The following RXRA variants were observed in gnomAD, a reference collection of about 807,000 sequenced individuals.
The protein encoded by RXRA is retinoic acid receptor RXR-alpha.
RXRA carries 5 observed loss-of-function variants against 44.5 expected under a neutral mutation model. The ratio of observed to expected loss-of-function variants is 0.11; its 90% CI spans 0.06 to 0.24. RXRA has a LOEUF of 0.24. Among genes scored for constraint, RXRA ranks in the 10% least tolerant of loss-of-function variants. The probability of loss-of-function intolerance (pLI) is 1.00; values close to 1 mark genes in which losing one functional copy is unlikely to be tolerated. For missense variants in RXRA, 412 were observed against 646.5 expected (o/e 0.64, Z 3.93); for synonymous variants, 291 against 271.4 (o/e 1.07, Z -0.71).
intron 1 of RXRA, among the ~76,000 whole-genome samples, chr9:134,393,872 G>T (rs1027071275): frequency 1.3e-5 from 2 of 152,130 alleles, no homozygotes; most frequent in African/African-American, 4.8e-5. Flanking sequence ...TAACCCCAGC[G>T]CCCCTGGGCT....
At chr9:134,363,016 G>A (rs796247291) in intron 1 of RXRA, among the ~76,000 whole-genome samples, 20 of 152,326 alleles carry the variant, frequency 1.3e-4, no homozygotes, top group South Asian at 6.2e-4. Flanking sequence ...GAGTGTGGAC[G>A]GTTGCAAAAC....
chr9:134,421,856 G>C (rs777108402), intron 6 of RXRA, 51 bp downstream of exon 6: 1 of 1,602,504 alleles, frequency 6.2e-7, no homozygotes, highest in Non-Finnish European at 8.5e-7. Flanking sequence ...GATGGGACAC[G>C]TACCAGGACA....
chr9:134,436,757 A>G lies in RXRA; in HGVS notation c.*143A>G. ...GGCACAGCCTGTCACTGCTCTGCCT[A>G]AGAGATGTGTTGTCACCCTCCTTAT... On this transcript the variant is annotated 3_prime_UTR_variant, in exon 10 of 10. Transcript: ENST00000481739. The G allele has an allele frequency of 1.2e-6, 1 of 863,294 alleles. No homozygotes were observed. Among genetic ancestry groups the G allele is most frequent in the Non-Finnish European group, 1.8e-6 (1 of 563,982 alleles). 53.5% of individuals were successfully genotyped at this position (863,294 alleles called of 1,614,324 possible). A position where few individuals can be genotyped will look rare whatever the true frequency, so the allele number is the denominator to read the frequency against.
At chr9:134,374,356 C>T (rs775477880) in intron 1 of RXRA, among the ~76,000 whole-genome samples, 1 of 152,226 alleles carries the variant, frequency 6.6e-6, no homozygotes, top group Non-Finnish European at 1.5e-5. Flanking sequence ...CTGCCACTTC[C>T]GCAGTGTGGG....
At chr9:134,408,429 G>A (rs200348558) in intron 3 of RXRA, 130 bp downstream of exon 3, 2 of 985,854 alleles carry the variant, frequency 2.0e-6, no homozygotes, top group South Asian at 1.8e-5. Context: ...GGAGGCAGGT[G>A]CCTGGGCCAT....
chr9:134,339,174 A>C (rs548157987), intron 1 of RXRA, among the ~76,000 whole-genome samples: 1 of 152,170 alleles, frequency 6.6e-6, no homozygotes, highest in African/African-American at 2.4e-5. Flanking sequence ...GGACCCTCTC[A>C]TGCCCTCTGG....
chr9:134,424,005 C>T (rs1831391884), intron 6 of RXRA: 2 of 985,468 alleles, frequency 2.0e-6, no homozygotes, highest in Non-Finnish European at 2.4e-6. Flanking sequence ...CTGTGTCCGT[C>T]GCCATGTTTG....
Position 134,417,033 on chromosome 9 carries a change from C to G in RXRA, c.611-125C>G. The stretch of plus-strand genomic sequence containing the variant: ...GAGATGGGGTCTCCATCACCCAGTG[C>G]TGGTGGGGATGCTGGTGTTGTGGGT... On this transcript the variant is annotated intron_variant, in intron 4 of 9. Transcript: ENST00000481739. This position sits in a 1 kb window ranked among gnomAD's most constrained non-coding sequence, Gnocchi z 6.1. The G allele has an allele frequency of 1.0e-6, 1 of 1,001,412 alleles. No homozygotes were observed. Among genetic ancestry groups the G allele is most frequent in the Non-Finnish European group, 1.5e-6 (1 of 682,434 alleles). The allele number at this position is 1,001,412 out of a possible 1,614,324, so 62.0% of individuals were successfully genotyped here.
In RXRA at chr9:134,426,155, C is replaced by CT; in HGVS notation, c.911-2950dup. The CT allele has an allele frequency of 2.0e-6, 2 of 985,408 alleles. No individual in the cohort carries two copies. The highest frequency in any genetic ancestry group is 2.4e-6 in the Non-Finnish European group (2 of 829,924). 61.0% of individuals were successfully genotyped at this position (985,408 alleles called of 1,614,324 possible). A position where few individuals can be genotyped will look rare whatever the true frequency, so the allele number is the denominator to read the frequency against. On this transcript the variant is annotated intron_variant, in intron 6 of 9. Coordinates refer to ENST00000481739, the MANE Select transcript of RXRA (RefSeq NM_002957.6). This position sits in a 1 kb window ranked among gnomAD's most constrained non-coding sequence, Gnocchi z 4.6. ...CAAGGGAGCAGCCCCAGGCAAGACT[C>CT]TTTGTCCTGCGCTTGGAGCCTGGAG...
chr9:134,342,750 A>G lies in RXRA; in HGVS notation c.28+16091A>G, dbSNP rs191738392. 1.3e-5 allele frequency among the ~76,000 whole-genome samples: 2 copies of G among 152,192 alleles called. No individual in the cohort carries two copies. The highest frequency in any genetic ancestry group is 1.9e-4 in the East Asian group (1 of 5,158). ...GGTGGGTTTGGGGGAACCTGGCCCC[A>G]TAGGAGAGTGGACAGCGCCGCGGAG... On this transcript the variant is annotated intron_variant, in intron 1 of 9. Transcript: ENST00000481739. This position sits in a 1 kb window ranked among gnomAD's most constrained non-coding sequence, Gnocchi z 4.4.
Position 134,408,201 on chromosome 9 carries a change from T to G in RXRA, c.332T>G (p.Leu111Arg). Reference protein sequence around the residue: ...VSSSEDIKPPLGLNGVLKVPA... With the variant: ...VSSSEDIKPPRGLNGVLKVPA... ...AGCAGCGAGGACATCAAGCCCCCCCTGGGCCTCAATGGCGTCCTCAAGGTC... is the reference window on the plus strand; with the variant it reads ...AGCAGCGAGGACATCAAGCCCCCCCGGGGCCTCAATGGCGTCCTCAAGGTC... Residue 111 changes from leucine to arginine, a missense_variant, in exon 3 of 10, where the codon CTG becomes CGG. Coordinates refer to ENST00000481739, the MANE Select transcript of RXRA (RefSeq NM_002957.6). The G allele has an allele frequency of 6.2e-7, 1 of 1,608,008 alleles. No individual in the cohort carries two copies.
At chr9:134,348,987 G>A (rs997077929) in intron 1 of RXRA, among the ~76,000 whole-genome samples, 2 of 152,200 alleles carry the variant, frequency 1.3e-5, no homozygotes, top group African/African-American at 2.4e-5. Flanking sequence ...CTTGAGACTC[G>A]GGAGGGGCTG....
intron 1 of RXRA, among the ~76,000 whole-genome samples, chr9:134,396,945 G>T (rs1247225572): frequency 6.6e-6 from 1 of 152,254 alleles, no homozygotes; most frequent in Non-Finnish European, 1.5e-5. Context: ...TGGCTGCCCA[G>T]GAGGGGGCTG....
chr9:134,411,662 C>A (rs902563109), intron 4 of RXRA, among the ~76,000 whole-genome samples: 13 of 152,354 alleles, frequency 8.5e-5, no homozygotes, highest in Middle Eastern at 3.4e-3. Flanking sequence ...CCCTTTGCCT[C>A]CAGCAGGATT....
At chr9:134,394,801 A>G (rs550223191) in intron 1 of RXRA, among the ~76,000 whole-genome samples, 2 of 152,270 alleles carry the variant, frequency 1.3e-5, no homozygotes, top group South Asian at 2.1e-4. Context: ...GGTCCCCACC[A>G]TGGGGGCCTC....
At position 134,429,305 on chromosome 9, in the gene RXRA, C is replaced by T. The variant is rs17847925; in HGVS notation, c.1043+65C>T. On this transcript the variant is annotated intron_variant, in intron 7 of 9. Coordinates refer to ENST00000481739, the MANE Select transcript of RXRA (RefSeq NM_002957.6). ...CCTCCGCCACCAGGCCAGCTGAGTTCAGCCACCTTGGCCCCGGTGCACATC... is the reference window on the plus strand; with the variant it reads ...CCTCCGCCACCAGGCCAGCTGAGTTTAGCCACCTTGGCCCCGGTGCACATC... 9.6e-6 allele frequency: 15 copies of T among 1,560,236 alleles called. No homozygotes were observed. In the East Asian group the frequency reaches 3.4e-4, roughly 35 times the overall value.
intron 1 of RXRA, among the ~76,000 whole-genome samples, chr9:134,355,714 G>A (rs782480170): frequency 9.2e-5 from 14 of 152,172 alleles, no homozygotes; most frequent in Non-Finnish European, 2.1e-4. Context: ...TCCTGGGCCT[G>A]CTCCTCTGGA....
intron 9 of RXRA, among the ~76,000 whole-genome samples, chr9:134,435,709 A>T (rs1444606773): frequency 1.3e-5 from 2 of 151,262 alleles, no homozygotes; most frequent in East Asian, 1.9e-4. Flanking sequence ...ATGCTCTTTG[A>T]CTTCTTGGTT....
chr9:134,421,249 C>T (rs1831325294), intron 5 of RXRA, among the ~76,000 whole-genome samples: 2 of 152,212 alleles, frequency 1.3e-5, no homozygotes, highest in Admixed American at 1.3e-4. Flanking sequence ...CCGGCTGGCT[C>T]CTGGAGGCTC....
Sources: gnomAD v4.1 joint callset for allele counts (sites outside exome capture counted in the v4.1 genomes callset) on GRCh38, gnomAD v4.1.1 for gene constraint, Gnocchi (gnomAD v3.1) non-coding constraint, MANE v1.5 for transcripts, NCBI Gene and HGNC (gene_info 2026-07-23, HGNC 2026-07-21) for gene names.